Variants in LEKR1 observed in about 807,000 individuals in gnomAD.
LEKR1 encodes the protein leucine, glutamate and lysine rich 1.
LEKR1 carries 59 observed loss-of-function variants against 72.4 expected under a neutral mutation model. The ratio of observed to expected loss-of-function variants is 0.82; its 90% CI spans 0.66 to 1.01. The LOEUF is 1.01. LEKR1 is among the 50% of genes least tolerant of loss of function. LEKR1 has a pLI of 0.00. For synonymous variants in LEKR1, 257 were observed against 263.2 expected (o/e 0.98, Z 0.23); for missense variants, 728 against 759.2 (o/e 0.96, Z 0.48).
intron 6 of LEKR1, among the ~76,000 whole-genome samples, chr3:156,950,681 G>A (rs976977768): frequency 3.3e-5 from 5 of 151,388 alleles, no homozygotes; most frequent in African/African-American, 1.2e-4. Flanking sequence ...GCTGTTGTTG[G>A]TGTATAGGAA....
intron 6 of LEKR1, among the ~76,000 whole-genome samples, chr3:156,944,233 T>A (rs1037278763): frequency 6.6e-6 from 1 of 151,746 alleles, no homozygotes; most frequent in Non-Finnish European, 1.5e-5. Flanking sequence ...TGATTTTATT[T>A]AAAAAATCTA....
At chr3:156,941,087 A>C (rs1450405201) in intron 5 of LEKR1, among the ~76,000 whole-genome samples, 1 of 152,050 alleles carries the variant, frequency 6.6e-6, no homozygotes, top group African/African-American at 2.4e-5. Flanking sequence ...AGTTTTCCTC[A>C]CACAAATTGG....
intron 2 of LEKR1, among the ~76,000 whole-genome samples, chr3:156,834,276 T>C (rs1712820413): frequency 6.6e-6 from 1 of 152,196 alleles, no homozygotes; most frequent in Non-Finnish European, 1.5e-5. Context: ...TTTTAATTTA[T>C]AGAAAAACTA....
chr3:156,850,329 C>T (rs997528600), intron 2 of LEKR1, among the ~76,000 whole-genome samples: 10 of 151,860 alleles, frequency 6.6e-5, no homozygotes, highest in African/African-American at 2.2e-4. Context: ...CAAATGCTCA[C>T]ATAATAGAAT....
rs7614963 is a variant in LEKR1 at position 156,844,761 on chromosome 3, A to G, written c.49-8007A>G. On this transcript the variant is annotated intron_variant, in intron 2 of 12. Coordinates refer to ENST00000356539, the MANE Select transcript of LEKR1 (RefSeq NM_001004316.3). ...AGTTTGTTTAACCATTTACCTACTC[A>G]TTGAAGGGAATCTAGGTTTTTTTCC... 9.3e-3 allele frequency among the ~76,000 whole-genome samples: 1,410 copies of G among 152,192 alleles called. 18 individuals carry two copies. The highest frequency in any genetic ancestry group is 0.033 in the African/African-American group (1,361 of 41,544).
chr3:156,882,557 G>C (rs1023993406), intron 3 of LEKR1, among the ~76,000 whole-genome samples: 127 of 152,202 alleles, frequency 8.3e-4, no homozygotes, highest in Non-Finnish European at 1.1e-3. Context: ...GTTGGTGGGA[G>C]TGTAAACTAG....
intron 6 of LEKR1, among the ~76,000 whole-genome samples, chr3:156,958,547 T>C (rs142465071): frequency 6.6e-5 from 10 of 152,262 alleles, no homozygotes; most frequent in Admixed American, 6.6e-4. Flanking sequence ...TTCCTACTTG[T>C]TAGAACCTGA....
chr3:156,861,718 G>T (rs1363686323), intron 3 of LEKR1, among the ~76,000 whole-genome samples: 1 of 151,972 alleles, frequency 6.6e-6, no homozygotes, highest in Non-Finnish European at 1.5e-5. Context: ...AAATCTAGAA[G>T]TTCATATCAC....
intron 12 of LEKR1, among the ~76,000 whole-genome samples, chr3:157,034,232 T>C (rs1243879626): frequency 6.6e-6 from 1 of 152,206 alleles, no homozygotes; most frequent in Non-Finnish European, 1.5e-5. Flanking sequence ...TTAAGAAATA[T>C]ATTTCATAAG....
intron 6 of LEKR1, among the ~76,000 whole-genome samples, chr3:156,977,175 C>T (rs888842175): frequency 7.2e-5 from 11 of 152,168 alleles, no homozygotes; most frequent in African/African-American, 2.4e-4. Context: ...TCCATGCCAC[C>T]GGTGATGGCA....
At chr3:157,021,185 T>C (rs368713715) in intron 10 of LEKR1, among the ~76,000 whole-genome samples, 13,843 of 151,998 alleles carry the variant, frequency 0.091, 694 homozygotes, top group African/African-American at 0.12. Context: ...ATTAGCCCTT[T>C]GTCAGATGAG....
At chr3:156,889,764 C>T (rs1720471631) in intron 3 of LEKR1, among the ~76,000 whole-genome samples, 1 of 152,174 alleles carries the variant, frequency 6.6e-6, no homozygotes, top group African/African-American at 2.4e-5. Context: ...TCCTCAATTC[C>T]TATGAATCCC....
intron 3 of LEKR1, among the ~76,000 whole-genome samples, chr3:156,902,173 A>T (rs1312089386): frequency 6.6e-6 from 1 of 151,674 alleles, no homozygotes; most frequent in Non-Finnish European, 1.5e-5. Flanking sequence ...TTCAAACATG[A>T]ATTTTTTTAT....
intron 4 of LEKR1, chr3:156,924,765 A>G (rs887606096): frequency 2.7e-6 from 1 of 371,560 alleles, no homozygotes; most frequent in African/African-American, 2.1e-5. Context: ...CCATAAATGT[A>G]AAGGATTATT....
rs1466149487 is a variant in LEKR1 at position 156,852,900 on chromosome 3, G to T, written c.181G>T (p.Glu61Ter). The change falls in exon 3 of 13, where the codon GAA becomes TAA. Residue 61 changes from glutamate to a stop codon, truncating the protein, a stop_gained. Transcript: ENST00000356539. LOFTEE classifies it high-confidence loss of function. ...ATTTTATCAAGGAAGTGTAGATCGT[G>T]AAAAGAGACTTCAAGAAAAGCTGCA... ...MKFYQGSVDR[E>*]KRLQEKLHSL... 8 of 1,532,054 alleles carry T rather than the reference G, an allele frequency of 5.2e-6. No homozygotes were observed. The highest frequency in any genetic ancestry group is 7.0e-6 in the Non-Finnish European group (8 of 1,144,650). 94.9% of individuals were successfully genotyped at this position (1,532,054 alleles called of 1,614,324 possible). A position where few individuals can be genotyped will look rare whatever the true frequency, so the allele number is the denominator to read the frequency against.
At chr3:156,849,272 G>T (rs1715029850) in intron 2 of LEKR1, among the ~76,000 whole-genome samples, 1 of 152,232 alleles carries the variant, frequency 6.6e-6, no homozygotes, top group East Asian at 1.9e-4. Flanking sequence ...AGAAACAAAT[G>T]GAAGAACATT....
chr3:156,913,673 C>T (rs1723323360), intron 3 of LEKR1, among the ~76,000 whole-genome samples: 1 of 152,134 alleles, frequency 6.6e-6, no homozygotes, highest in African/African-American at 2.4e-5. Flanking sequence ...GGAATAATGG[C>T]ATCATATCCC....
chr3:156,967,039 A>G (rs1321307165), intron 6 of LEKR1, among the ~76,000 whole-genome samples: 2 of 152,194 alleles, frequency 1.3e-5, no homozygotes, highest in African/African-American at 2.4e-5. Context: ...GACCTCCAGC[A>G]AACTCCAACA....
In LEKR1 at chr3:157,045,324, C is replaced by T; in HGVS notation, c.1669-16C>T. On this transcript the variant is annotated splice_polypyrimidine_tract_variant and intron_variant, in intron 12 of 12. Coordinates refer to ENST00000356539, the MANE Select transcript of LEKR1 (RefSeq NM_001004316.3). ...TTAAAGCTAAGTCTGCTTTCTTTTC[C>T]CCTCTCTCTTTTCAGAATACTTTTC... The T allele has an allele frequency of 1.3e-6, 2 of 1,593,808 alleles. No homozygotes were observed. Among genetic ancestry groups the T allele is most frequent in the Non-Finnish European group, 1.7e-6 (2 of 1,168,386 alleles).
Sources: allele counts gnomAD v4.1 joint callset (sites outside exome capture counted in the v4.1 genomes callset), GRCh38; gene constraint gnomAD v4.1.1; transcripts MANE v1.5; gene names NCBI Gene and HGNC (gene_info 2026-07-23, HGNC 2026-07-21).